The following CCNG1 variants were observed in gnomAD, a reference collection of about 807,000 sequenced individuals.
CCNG1 encodes the protein cyclin-G1.
Under a neutral mutation model 30.0 loss-of-function variants are expected in CCNG1, and 13 were observed. The ratio of observed to expected loss-of-function variants is 0.43; its 90% CI spans 0.28 to 0.69. The LOEUF (loss-of-function observed/expected upper bound fraction) is 0.69. CCNG1 is among the 30% of genes least tolerant of loss of function. The pLI is 0.16. For synonymous variants in CCNG1, 110 were observed against 121.5 expected, an observed-to-expected ratio of 0.91 and a Z score of 0.62; for missense variants, 285 against 331.4, an observed-to-expected ratio of 0.86 and a Z score of 1.09.
In CCNG1 at chr5:163,439,422, G is replaced by C; in HGVS notation, c.166G>C (p.Val56Leu). ...RMTARLRDFE[V>L]KDLLSLTQFF... ...GACTGCAAGACTAAGGGACTTTGAA[G>C]TAAAAGATCTTCTTAGTCTAACTCA... Residue 56 changes from valine (V) to leucine (L), a missense_variant, in exon 2 of 7, where the codon GTA (valine) becomes CTA (leucine). Physicochemically the swap from Val to Leu is conservative, Grantham distance 32. Transcript: ENST00000340828. 6.2e-7 allele frequency: 1 copy of C among 1,614,074 alleles called. No homozygotes were observed. The highest frequency in any genetic ancestry group is 8.5e-7 in the Non-Finnish European group (1 of 1,179,936).
the CCNG1 span, chr5:163,452,998 G>C: frequency 1.3e-5 from 2 of 152,192 alleles, no homozygotes; most frequent in African/African-American, 4.8e-5. Context: ...CTGAGGATTA[G>C]AGGGTAGTAA....
At chr5:163,448,229 G>A (rs993401719), downstream of CCNG1, 3 of 150,050 alleles carry the variant, frequency 2.0e-5, no homozygotes, top group Non-Finnish European at 3.0e-5. Context: ...GAAAATAAAT[G>A]CAATTGTAAA....
At chr5:163,448,533 C>T (rs150906927), downstream of CCNG1, 44 of 152,158 alleles carry the variant, frequency 2.9e-4, no homozygotes, top group African/African-American at 9.9e-4. Context: ...TTGTTTAAAA[C>T]CTTACTAGCA....
downstream of CCNG1, chr5:163,449,131 TC>T (rs1360749480): frequency 2.0e-5 from 3 of 152,084 alleles, no homozygotes; most frequent in Non-Finnish European, 4.4e-5. Flanking sequence ...ATAAAACTGT[TC>T]CTATTCGTAG....
chr5:163,446,438 G>A (rs1379954297), downstream of CCNG1: 1 of 152,104 alleles, frequency 6.6e-6, no homozygotes, highest in African/African-American at 2.4e-5. Context: ...AGGATTCAAA[G>A]CCAGGCAGTT....
the CCNG1 span, among the ~76,000 whole-genome samples, chr5:163,454,697 A>G: frequency 4.6e-5 from 7 of 152,232 alleles, no homozygotes; most frequent in Non-Finnish European, 1.0e-4. Flanking sequence ...TAAGAGCTAT[A>G]CATATATAAG....
At position 163,441,291 on chromosome 5, in the gene CCNG1, C is replaced by T. The variant is rs1231047864; in HGVS notation, c.478C>T (p.Leu160=). ...TACTACTGCCTTTCAATTTCTGCAA[C>T]TGTATTATTCACTCCTTCAAGAGAA... is the stretch of plus-strand genomic sequence containing the variant. ...KATTAFQFLQ[L]YYSLLQENLP... The change falls in exon 3 of 7, where the codon CTG becomes TTG. Residue 160 remains leucine, a synonymous_variant. Coordinates refer to ENST00000340828, the MANE Select transcript of CCNG1 (RefSeq NM_004060.4). 1 of 1,613,886 alleles carries T rather than the reference C, an allele frequency of 6.2e-7. No individual in the cohort carries two copies. The highest frequency in any genetic ancestry group is 1.1e-5 in the South Asian group (1 of 91,074).
At chr5:163,456,926 T>TA in the CCNG1 span, 3 of 1,597,752 alleles carry the variant, frequency 1.9e-6, no homozygotes, top group East Asian at 4.5e-5. Flanking sequence ...TCATCTGACT[T>TA]ACTTCTTTTT....
At chr5:163,456,353 A>G in the CCNG1 span, among the ~76,000 whole-genome samples, 11 of 152,234 alleles carry the variant, frequency 7.2e-5, no homozygotes, top group Admixed American at 5.2e-4. Flanking sequence ...AATCTAAATC[A>G]TATCAAAGGC....
In CCNG1 at chr5:163,442,612, C is replaced by T. The variant is rs763817081; in HGVS notation, c.*3+44C>T. 5 of 1,431,292 alleles carry T rather than the reference C, an allele frequency of 3.5e-6. No individual in the cohort carries two copies. In the Admixed American group the frequency reaches 6.4e-5, roughly 18 times the overall value. 88.7% of individuals were successfully genotyped at this position (1,431,292 alleles called of 1,614,324 possible). A position where few individuals can be genotyped will look rare whatever the true frequency, so the allele number is the denominator to read the frequency against. On this transcript the variant is annotated intron_variant, in intron 6 of 6. Transcript: ENST00000340828. Reference sequence around the variant, plus strand: ...TATTCTCCAGATAGAGAACATTTTCCAATGCCATAATTTTCAACTAAAGAA... The same window carrying T: ...TATTCTCCAGATAGAGAACATTTTCTAATGCCATAATTTTCAACTAAAGAA...
At chr5:163,440,164 T>C (rs893471170) in intron 2 of CCNG1, among the ~76,000 whole-genome samples, 28 of 152,206 alleles carry the variant, frequency 1.8e-4, no homozygotes, top group African/African-American at 6.7e-4. Flanking sequence ...GAAACTCATA[T>C]TTTAGTCCTC....
chr5:163,439,608 C>A, intron 2 of CCNG1, 88 bp downstream of exon 2: 1 of 1,218,780 alleles, frequency 8.2e-7, no homozygotes, highest in Non-Finnish European at 1.1e-6. Context: ...ATAAACTTGA[C>A]CTTTTTTTTT....
chr5:163,453,952 C>A, the CCNG1 span: 1 of 1,439,992 alleles, frequency 6.9e-7, no homozygotes, highest in Non-Finnish European at 9.4e-7. Flanking sequence ...CCACAGAATG[C>A]AGGAAAAAAA....
chr5:163,448,380 T>C (rs998285809), downstream of CCNG1: 1 of 152,092 alleles, frequency 6.6e-6, no homozygotes, highest in African/African-American at 2.4e-5. Flanking sequence ...GATAACAGTA[T>C]AGATCCTCAT....
Position 163,441,971 on chromosome 5 carries a change from A to T in CCNG1, c.597+7A>T. 6.2e-7 allele frequency: 1 copy of T among 1,601,980 alleles called. No individual in the cohort carries two copies. Among genetic ancestry groups the T allele is most frequent in the African/African-American group, 1.3e-5 (1 of 74,740 alleles). On this transcript the variant is annotated splice_region_variant and intron_variant, in intron 4 of 6. Coordinates refer to ENST00000340828, the MANE Select transcript of CCNG1 (RefSeq NM_004060.4). ...CATATTTTCTAAAGCAAAGGTAAAT[A>T]TTTTATAAAGATTATGCCTATTGAT...
Position 163,443,556 on chromosome 5 carries a change from T to C in CCNG1, c.*4-118T>C, listed in dbSNP as rs17881666. 1,685 of 601,166 alleles carry C rather than the reference T, an allele frequency of 2.8e-3. 21 individuals carry two copies. Among genetic ancestry groups the C allele is most frequent in the African/African-American group, 0.026 (1,417 of 53,720 alleles). 37.2% of individuals were successfully genotyped at this position (601,166 alleles called of 1,614,324 possible). On this transcript the variant is annotated intron_variant, in intron 6 of 6. Transcript: ENST00000340828. ...TCTACTCAAAACTAAATGTTAACAT[T>C]TAATACATCTACATGTGATTATGAA...
chr5:163,439,237 G>A lies in CCNG1; in HGVS notation c.1-20G>A. ...AGGACTACTCTTACACTCCTTGCTG[G>A]TCTTTTTTTCTATATATAGATGATA... On this transcript the variant is annotated intron_variant, in intron 1 of 6. Coordinates refer to ENST00000340828, the MANE Select transcript of CCNG1 (RefSeq NM_004060.4). 2 of 1,606,178 alleles carry A rather than the reference G, an allele frequency of 1.2e-6. No individual in the cohort carries two copies. The highest frequency in any genetic ancestry group is 4.5e-5 in the East Asian group (2 of 44,804).
At chr5:163,447,006 CAAAA>C, downstream of CCNG1, 1 of 152,044 alleles carries the variant, frequency 6.6e-6, no homozygotes, top group South Asian at 2.1e-4. Context: ...GCTCTTGTCT[CAAAA>C]AATAAATTAA....
At position 163,443,772 on chromosome 5, in the gene CCNG1, A is replaced by T; in HGVS notation, c.*102A>T. 1 of 1,309,642 alleles carries T rather than the reference A, an allele frequency of 7.6e-7. No homozygotes were observed. The highest frequency in any genetic ancestry group is 1.1e-6 in the Non-Finnish European group (1 of 948,032). 81.1% of individuals were successfully genotyped at this position (1,309,642 alleles called of 1,614,324 possible). ...AATGGATTTAAGCTATGAAGCCTCA[A>T]AACATCACGAGATAAGCATGATGGT... On this transcript the variant is annotated 3_prime_UTR_variant, in exon 7 of 7. Coordinates refer to ENST00000340828, the MANE Select transcript of CCNG1 (RefSeq NM_004060.4).
Sources: allele counts gnomAD v4.1 joint callset (sites outside exome capture counted in the v4.1 genomes callset), GRCh38; gene constraint gnomAD v4.1.1; transcripts MANE v1.5; gene names NCBI Gene and HGNC (gene_info 2026-07-23, HGNC 2026-07-21).